The following CPAMD8 variants were observed in gnomAD, a reference collection of about 807,000 sequenced individuals.
CPAMD8 encodes C3 and PZP-like alpha-2-macroglobulin domain-containing protein 8.
Under a neutral mutation model 224.7 loss-of-function variants are expected in CPAMD8, and 146 were observed. The observed-to-expected ratio is 0.65, with a 90% CI of 0.57 to 0.75. The LOEUF (loss-of-function observed/expected upper bound fraction) is 0.75, where lower values mean the gene tolerates loss of function less well. Among genes scored for constraint, CPAMD8 ranks in the 30% least tolerant of loss-of-function variants. The probability of loss-of-function intolerance (pLI) is 0.00; values close to 1 mark genes in which losing one functional copy is unlikely to be tolerated. For missense variants in CPAMD8, 2,301 were observed against 2,537.5 expected (o/e 0.91, Z 2.00); for synonymous variants, 966 against 1,044.6 (o/e 0.92, Z 1.45).
At chr19:16,943,760 T>C (rs2053981969) in intron 22 of CPAMD8, among the ~76,000 whole-genome samples, 1 of 152,198 alleles carries the variant, frequency 6.6e-6, no homozygotes, top group Admixed American at 6.5e-5. Flanking sequence ...GGGTCTTTAG[T>C]AGACAGGCCA....
chr19:16,991,570 G>C (rs969304035), intron 12 of CPAMD8, among the ~76,000 whole-genome samples: 3 of 152,172 alleles, frequency 2.0e-5, no homozygotes, highest in Admixed American at 1.3e-4. Flanking sequence ...AAACAGGACA[G>C]TGGGCCGGGT....
Position 16,925,176 on chromosome 19 carries a change from A to G in CPAMD8, c.3547+20T>C, listed in dbSNP as rs2053315466. ...GCCTCCCTTGCTCCCACCTCAACCC[A>G]GGCACTTCTTCCCCAATACCTTGTA... On this transcript the variant is annotated intron_variant, in intron 26 of 41. Transcript: ENST00000443236. 1 of 1,612,660 alleles carries G rather than the reference A, an allele frequency of 6.2e-7. No individual in the cohort carries two copies. The highest frequency in any genetic ancestry group is 1.1e-5 in the South Asian group (1 of 91,024).
chr19:17,020,738 G>A (rs1416710583), intron 2 of CPAMD8, among the ~76,000 whole-genome samples: 5 of 152,150 alleles, frequency 3.3e-5, no homozygotes, highest in Admixed American at 3.3e-4. Context: ...GTCCCCAGTG[G>A]ACCTGACTGT....
At chr19:16,921,421 T>C (rs1003442798) in intron 27 of CPAMD8, among the ~76,000 whole-genome samples, 5 of 151,988 alleles carry the variant, frequency 3.3e-5, no homozygotes, top group Non-Finnish European at 7.4e-5. Flanking sequence ...AAGACCCAGG[T>C]GTGCCCGGCC....
rs150415974 is a variant in CPAMD8 at position 16,975,274 on chromosome 19, G to A, written c.1909-16C>T. 5.5e-5 allele frequency: 88 copies of A among 1,591,772 alleles called. 1 individual carries two copies. In the African/African-American group the frequency reaches 7.8e-4, roughly 14 times the overall value. On this transcript the variant is annotated splice_polypyrimidine_tract_variant and intron_variant, in intron 16 of 41. Coordinates refer to ENST00000443236, the MANE Select transcript of CPAMD8 (RefSeq NM_015692.5). ...CCTGGAAAACCTGCAGGCAAAGGGG[G>A]ACAGAGACTTGTCAGCTGAAGTTTT...
At chr19:16,900,694 T>G (rs1428853933) in intron 36 of CPAMD8, among the ~76,000 whole-genome samples, 1 of 151,782 alleles carries the variant, frequency 6.6e-6, no homozygotes, top group Non-Finnish European at 1.5e-5. Context: ...AGTAGACAGA[T>G]GGGCCATTTT....
chr19:16,987,206 A>ATATATATATATATATATATG (rs1270399487), intron 13 of CPAMD8, among the ~76,000 whole-genome samples: 2 of 127,902 alleles, frequency 1.6e-5, no homozygotes, highest in African/African-American at 5.9e-5. Context: ...ATATATATAT[A>ATATATATATATATATATATG]TATGTATATG....
chr19:17,002,320 G>A lies in CPAMD8; in HGVS notation c.704C>T (p.Pro235Leu), dbSNP rs898688380. The part of the protein sequence containing the change: ...VLPKFELLID[P>L]PRYIQDLDAC... ...GTCCAGGTCTTGGATATACCGGGGCGGGTCAATCAGAAGCTCAAACTTGGG... is the reference window on the plus strand; with the variant it reads ...GTCCAGGTCTTGGATATACCGGGGCAGGTCAATCAGAAGCTCAAACTTGGG... The change falls in exon 9 of 42, where the codon CCG becomes CTG. Residue 235 changes from proline (P) to leucine (L), a missense_variant. Transcript: ENST00000443236. 1.8e-5 allele frequency: 29 copies of A among 1,606,288 alleles called. No homozygotes were observed. The highest frequency in any genetic ancestry group is 4.0e-5 in the African/African-American group (3 of 74,644).
rs375744110 is a variant in CPAMD8, at chr19:16,980,525, C to T, written c.1557G>A (p.Pro519=). 2.8e-4 allele frequency: 453 copies of T among 1,613,708 alleles called. 1 individual carries two copies. Among genetic ancestry groups the T allele is most frequent in the Non-Finnish European group, 3.5e-4 (418 of 1,179,968 alleles). Residue 519 remains proline, a synonymous_variant, in exon 14 of 42, where the codon CCG becomes CCA. Transcript: ENST00000443236. ...SKRAAPALEK[P]IRLTHLSETE... is the part of the protein sequence containing the mutation. ...TCTCAGAAAGGTGTGTTAAACGAAT[C>T]GGTTTCTCCAGGGCAGGGGCCGCCC...
Position 16,928,242 on chromosome 19 carries a change from A to G in CPAMD8, c.3145-8T>C. On this transcript the variant is annotated splice_region_variant and splice_polypyrimidine_tract_variant and intron_variant, in intron 24 of 41. Coordinates refer to ENST00000443236, the MANE Select transcript of CPAMD8 (RefSeq NM_015692.5). ...CTCTGGACCATGGCCAACCTGGAAA[A>G]AGAAACCAAGGCTGCTGGACGCTGG... The G allele has an allele frequency of 6.2e-7, 1 of 1,607,652 alleles. No homozygotes were observed. Among genetic ancestry groups the G allele is most frequent in the Non-Finnish European group, 8.5e-7 (1 of 1,175,062 alleles).
intron 3 of CPAMD8, among the ~76,000 whole-genome samples, chr19:17,015,823 G>A (rs947772733): frequency 1.3e-5 from 2 of 152,170 alleles, no homozygotes; most frequent in African/African-American, 4.8e-5. Flanking sequence ...GGAGGCTGGC[G>A]GGCAAGAGAC....
At chr19:17,022,991 A>G (rs1357350570) in intron 1 of CPAMD8, among the ~76,000 whole-genome samples, 1 of 152,162 alleles carries the variant, frequency 6.6e-6, no homozygotes. Context: ...ACCAGCCGCA[A>G]CAGTGACAGA....
chr19:16,942,677 C>T (rs1232218487), intron 22 of CPAMD8, among the ~76,000 whole-genome samples: 1 of 152,176 alleles, frequency 6.6e-6, no homozygotes, highest in Non-Finnish European at 1.5e-5. Context: ...CCACAGCTGG[C>T]TTCCTCAATG....
chr19:16,923,039 C>T (rs574439912), intron 26 of CPAMD8, among the ~76,000 whole-genome samples: 7 of 152,348 alleles, frequency 4.6e-5, no homozygotes, highest in Admixed American at 2.0e-4. Context: ...TGTCCCCAGG[C>T]GTGGGGGCTG....
Position 16,951,988 on chromosome 19 carries a change from T to A in CPAMD8, c.2489A>T (p.Tyr830Phe). ...QVKIPLSVYN[Y>F]MGTCAEVYMK... ...GAGTACCTCAGCGCAGGTGCCCATG[T>A]AGTTGTAGACACTGAGCGGGATCTT... The change falls in exon 20 of 42, where the codon TAC becomes TTC. Residue 830 changes from tyrosine to phenylalanine, a missense_variant. Tyr to Phe is a conservative substitution (Grantham distance 22, BLOSUM62 3). This residue lies in a region of CPAMD8 where 1,709 missense variants were observed against 1,753.2 expected (regional missense o/e 0.97). Coordinates refer to ENST00000443236, the MANE Select transcript of CPAMD8 (RefSeq NM_015692.5). 1 of 1,575,010 alleles carries A rather than the reference T, an allele frequency of 6.3e-7. No homozygotes were observed. The highest frequency in any genetic ancestry group is 8.6e-7 in the Non-Finnish European group (1 of 1,158,702).
intron 12 of CPAMD8, among the ~76,000 whole-genome samples, chr19:16,992,228 G>C (rs972844581): frequency 6.6e-6 from 1 of 152,060 alleles, no homozygotes; most frequent in Admixed American, 6.6e-5. Flanking sequence ...CTCACCTCCT[G>C]TCTGCCTGCC....
chr19:16,987,179 A>AAAATATATATAT (rs1555784836), intron 13 of CPAMD8, among the ~76,000 whole-genome samples: 6 of 53,910 alleles, frequency 1.1e-4, no homozygotes, highest in Non-Finnish European at 1.5e-4. Context: ...AAAAAAAAAA[A>AAAATATATATAT]ATATATATAT....
chr19:17,010,421 T>C (rs2056613927), intron 5 of CPAMD8, among the ~76,000 whole-genome samples: 2 of 152,078 alleles, frequency 1.3e-5, no homozygotes, highest in Non-Finnish European at 2.9e-5. Flanking sequence ...TTTTAATTTT[T>C]TGTCAAGACA....
At chr19:16,970,730 T>C (rs1308764009) in intron 18 of CPAMD8, among the ~76,000 whole-genome samples, 161 bp downstream of exon 18, 1 of 152,188 alleles carries the variant, frequency 6.6e-6, no homozygotes, top group Non-Finnish European at 1.5e-5. Context: ...TGCCCTGTTC[T>C]TGGACTTCCA....
Sources: gnomAD v4.1 joint callset for allele counts (sites outside exome capture counted in the v4.1 genomes callset) on GRCh38, gnomAD v4.1.1 for gene constraint, gnomAD v4.1.1 regional missense constraint, MANE v1.5 for transcripts, NCBI Gene and HGNC (gene_info 2026-07-23, HGNC 2026-07-21) for gene names.